The following SDK1 variants were observed in gnomAD, a reference collection of about 807,000 sequenced individuals.
SDK1 encodes the protein protein sidekick-1.
A neutral mutation model predicts 245.5 loss-of-function variants in SDK1; 157 were observed. The observed-to-expected ratio is 0.64, with a 90% CI of 0.56 to 0.73. The LOEUF is 0.73. Among genes scored for constraint, SDK1 ranks in the 30% least tolerant of loss-of-function variants. The pLI is 0.00. For synonymous variants in SDK1, 1,647 were observed against 1,278.5 expected, an observed-to-expected ratio of 1.29 and a Z score of -6.15; for missense variants, 3,583 against 3,002.3, an observed-to-expected ratio of 1.19 and a Z score of -4.52.
intron 1 of SDK1, among the ~76,000 whole-genome samples, chr7:3,385,100 C>T (rs1781577950): frequency 6.6e-6 from 1 of 152,060 alleles, no homozygotes; most frequent in African/African-American, 2.4e-5. Context: ...GGGAAAAGAC[C>T]CTGAATTTTG....
At chr7:4,176,322 T>A (rs1197278601) in intron 34 of SDK1, among the ~76,000 whole-genome samples, 4 of 152,032 alleles carry the variant, frequency 2.6e-5, no homozygotes, top group African/African-American at 9.7e-5. Flanking sequence ...CAACCATGCC[T>A]GGCTAATTGT....
intron 35 of SDK1, among the ~76,000 whole-genome samples, chr7:4,188,953 G>T (rs1404697919): frequency 6.6e-6 from 1 of 151,938 alleles, no homozygotes; most frequent in Non-Finnish European, 1.5e-5. Context: ...ACATCAGTTT[G>T]TTACACATTT....
chr7:3,914,771 T>A (rs1392182791), intron 5 of SDK1, among the ~76,000 whole-genome samples: 1 of 152,138 alleles, frequency 6.6e-6, no homozygotes, highest in East Asian at 1.9e-4. Context: ...AAAAGCTAAG[T>A]GGAATGTTGA....
chr7:3,663,479 T>C (rs185702610), intron 4 of SDK1, among the ~76,000 whole-genome samples: 32 of 152,288 alleles, frequency 2.1e-4, no homozygotes, highest in African/African-American at 7.0e-4. Flanking sequence ...TTGCATTCTG[T>C]GATGTTGTCC....
At position 3,898,850 on chromosome 7, in the gene SDK1, G is replaced by A. The variant is rs191293892; in HGVS notation, c.848-52073G>A. On this transcript the variant is annotated intron_variant, in intron 5 of 44. Transcript: ENST00000404826. ...GTGCCAAGAAGTTCATTCTTTACTA[G>A]GCTAAATTCATCTGTAACATCTTAT... Among the ~76,000 whole-genome samples, 202 of 152,114 alleles carry A rather than the reference G, an allele frequency of 1.3e-3. 1 individual carries two copies. The highest frequency in any genetic ancestry group is 4.7e-3 in the African/African-American group (197 of 41,506).
chr7:4,257,291 T>G lies in SDK1; in HGVS notation c.6382-7833T>G, dbSNP rs368695044. Among the ~76,000 whole-genome samples, 18 of 152,346 alleles carry G rather than the reference T, an allele frequency of 1.2e-4. No individual in the cohort carries two copies. In the East Asian group the frequency reaches 2.1e-3, roughly 18 times the overall value. ...GGCGTCTGTGCACCTTTAGAAACTC[T>G]CGCAGTCGGTCTGATACTGCATCCA... On this transcript the variant is annotated intron_variant, in intron 44 of 44. Transcript: ENST00000404826.
rs142546020 is a variant in SDK1, at chr7:4,091,126, A to G, written c.3324+11542A>G. 1.6e-4 allele frequency among the ~76,000 whole-genome samples: 24 copies of G among 152,228 alleles called. No individual in the cohort carries two copies. In the East Asian group the frequency reaches 4.4e-3, roughly 28 times the overall value. ...ATATAAACTGAAGTTATCAAAGTCT[A>G]ACATGACTGCACTATCTTCTTTCCA... is the stretch of plus-strand genomic sequence containing the variant. On this transcript the variant is annotated intron_variant, in intron 22 of 44. Coordinates refer to ENST00000404826, the MANE Select transcript of SDK1 (RefSeq NM_152744.4).
chr7:3,427,913 C>T (rs1489999885), intron 1 of SDK1, among the ~76,000 whole-genome samples: 2 of 139,356 alleles, frequency 1.4e-5, no homozygotes, highest in Non-Finnish European at 1.5e-5. Context: ...GTTAGTGTCT[C>T]TTAGATGTCA....
Position 3,700,004 on chromosome 7 carries a change from GATC to G in SDK1, c.713+57900_713+57902del, listed in dbSNP as rs1273742765. Among the ~76,000 whole-genome samples the G allele has an allele frequency of 0.019, 7 of 368 alleles. No individual in the cohort carries two copies. The South Asian group carries it at 0.33, about 18-fold the overall frequency. 0.2% of individuals were successfully genotyped at this position (368 alleles called of 152,430 possible). On this transcript the variant is annotated intron_variant, in intron 4 of 44. Coordinates refer to ENST00000404826, the MANE Select transcript of SDK1 (RefSeq NM_152744.4). The stretch of plus-strand genomic sequence containing the variant: ...GGAAACAATTTGAATGTCATCAGAT[GATC>G]TCTCATCAGAAATTGTAGTGACCAC...
chr7:3,526,755 G>A (rs1562540494), intron 1 of SDK1, among the ~76,000 whole-genome samples: 2 of 152,092 alleles, frequency 1.3e-5, no homozygotes, highest in East Asian at 1.9e-4. Context: ...TCACAGCTGC[G>A]AAGAGCCATG....
At chr7:4,232,412 T>TTTC (rs1491259291) in intron 40 of SDK1, among the ~76,000 whole-genome samples, 17 of 80,432 alleles carry the variant, frequency 2.1e-4, no homozygotes, top group Non-Finnish European at 1.0e-4. Context: ...CTTTTCTTTC[T>TTTC]TTTTTTTTTT....
At chr7:4,205,250 C>T (rs1784151893) in intron 35 of SDK1, among the ~76,000 whole-genome samples, 1 of 152,168 alleles carries the variant, frequency 6.6e-6, no homozygotes. Context: ...TCTGGACGAA[C>T]TTCATCTAGA....
At chr7:4,056,068 G>A (rs1430643340) in intron 19 of SDK1, among the ~76,000 whole-genome samples, 7 of 151,496 alleles carry the variant, frequency 4.6e-5, no homozygotes, top group African/African-American at 1.5e-4. Flanking sequence ...CTTGGTGAAT[G>A]TTCAATGAAT....
intron 1 of SDK1, among the ~76,000 whole-genome samples, chr7:3,403,834 T>TATA (rs1554266418): frequency 2.0e-5 from 1 of 50,336 alleles, no homozygotes; most frequent in Non-Finnish European, 3.2e-5. Context: ...CATATATATA[T>TATA]ATATATATAT....
intron 6 of SDK1, 30 bp from the exon 7 acceptor site, chr7:3,951,700 C>T (rs762172570): frequency 1.6e-5 from 25 of 1,600,590 alleles, no homozygotes; most frequent in South Asian, 4.4e-5. Context: ...GAGTCACAAT[C>T]GTCGTCATGA....
intron 1 of SDK1, among the ~76,000 whole-genome samples, chr7:3,398,548 G>A (rs1192304043): frequency 6.6e-6 from 1 of 152,030 alleles, no homozygotes; most frequent in Non-Finnish European, 1.5e-5. Flanking sequence ...ATATAGAACA[G>A]AAGGCTCCGG....
At chr7:3,775,776 C>T (rs1191754331) in intron 4 of SDK1, among the ~76,000 whole-genome samples, 1 of 151,884 alleles carries the variant, frequency 6.6e-6, no homozygotes, top group Admixed American at 6.6e-5. Flanking sequence ...CGGGGTTTCA[C>T]CTTGTTAGCC....
intron 26 of SDK1, among the ~76,000 whole-genome samples, chr7:4,127,780 G>A (rs928229595): frequency 9.8e-5 from 15 of 152,358 alleles, no homozygotes; most frequent in African/African-American, 2.9e-4. Context: ...CTCTGCCCTC[G>A]CTGGCCTCAG....
intron 32 of SDK1, among the ~76,000 whole-genome samples, chr7:4,165,514 A>G (rs1781448589): frequency 6.6e-6 from 1 of 152,072 alleles, no homozygotes; most frequent in African/African-American, 2.4e-5. Flanking sequence ...GCTAAGGAGT[A>G]GAACTCCTTC....
Sources: allele counts gnomAD v4.1 joint callset (sites outside exome capture counted in the v4.1 genomes callset), GRCh38; gene constraint gnomAD v4.1.1; transcripts MANE v1.5; gene names NCBI Gene and HGNC (gene_info 2026-07-23, HGNC 2026-07-21).